STARD13: variants seen among roughly 807,000 people sequenced by gnomAD.
STARD13 encodes StAR related lipid transfer domain containing 13, also known as stAR-related lipid transfer protein 13.
In STARD13, 62 loss-of-function variants were observed where a neutral mutation model predicts 106.4. The observed-to-expected ratio is 0.58, with a 90% CI of 0.48 to 0.72. STARD13 has a LOEUF of 0.72. STARD13 is among the 30% of genes least tolerant of loss of function. The pLI is 0.00. For synonymous variants in STARD13, 565 were observed against 553.0 expected (o/e 1.02, Z -0.31); for missense variants, 1,387 against 1,424.0 (o/e 0.97, Z 0.42).
rs1192121221 is a variant in STARD13 at position 33,130,931 on chromosome 13, T to A, written c.388-642A>T. Among the ~76,000 whole-genome samples the A allele has an allele frequency of 2.0e-5, 3 of 152,242 alleles. No homozygotes were observed. Among genetic ancestry groups the A allele is most frequent in the South Asian group, 2.1e-4 (1 of 4,834 alleles). The stretch of plus-strand genomic sequence containing the variant: ...TGTGATCCAATCCGGCTACTCTGCA[T>A]GAGCGTCTTTTTCTGTGGAATCAAC... On this transcript the variant is annotated intron_variant, in intron 4 of 13. Coordinates refer to ENST00000336934, the MANE Select transcript of STARD13 (RefSeq NM_178006.4). The surrounding 1 kb of genome is among the most constrained non-coding windows in gnomAD (Gnocchi z 4.1).
chr13:33,673,550 C>CTTTTTTTTTTTTTTTT, the STARD13 span, among the ~76,000 whole-genome samples: 71 of 137,162 alleles, frequency 5.2e-4, 3 homozygotes, highest in African/African-American at 1.7e-3. Flanking sequence ...ACTATTAACT[C>CTTTTTTTTTTTTTTTT]TTTTTTTTTT....
At chr13:33,289,812 A>G (rs1221226319), upstream of STARD13, among the ~76,000 whole-genome samples, 1 of 152,100 alleles carries the variant, frequency 6.6e-6, no homozygotes, top group East Asian at 1.9e-4. Flanking sequence ...AAGCCCTCTT[A>G]GGAGTAACCC....
intron 1 of STARD13, among the ~76,000 whole-genome samples, chr13:33,307,701 T>C (rs1892964242): frequency 6.6e-6 from 1 of 152,052 alleles, no homozygotes. Context: ...AAATAGCTAA[T>C]GCATGTGGGG....
At chr13:33,240,634 G>T (rs9670189) in intron 1 of STARD13, among the ~76,000 whole-genome samples, 3 of 150,848 alleles carry the variant, frequency 2.0e-5, no homozygotes, top group Non-Finnish European at 4.4e-5. Context: ...TATCCTTAAG[G>T]ATCCCTAAGT....
At chr13:33,645,192 G>A in the STARD13 span, among the ~76,000 whole-genome samples, 12 of 152,112 alleles carry the variant, frequency 7.9e-5, no homozygotes, top group Admixed American at 2.0e-4. Flanking sequence ...ACAAGCCTCC[G>A]TTACAAGATG....
intron 1 of STARD13, among the ~76,000 whole-genome samples, chr13:33,197,454 T>G (rs1231089737): frequency 1.4e-5 from 2 of 143,798 alleles, no homozygotes; most frequent in African/African-American, 5.3e-5. Context: ...GTGTTTTCAA[T>G]AGACCTCTTA....
chr13:33,112,765 G>A lies in STARD13; in HGVS notation c.2448C>T (p.Pro816=). The A allele has an allele frequency of 3.7e-6, 6 of 1,609,140 alleles. No individual in the cohort carries two copies. Among genetic ancestry groups the A allele is most frequent in the Non-Finnish European group, 5.1e-6 (6 of 1,177,670 alleles). Reference sequence around the variant, plus strand: ...TCAATAAATTAAGATGAAAGAGGGAGGGGGCCAGACACACTGCCAGGTTCA... The same window carrying A: ...TCAATAAATTAAGATGAAAGAGGGAAGGGGCCAGACACACTGCCAGGTTCA... ...TPMNLAVCLA[P]SLFHLNLLKK... Residue 816 remains proline (P), a synonymous_variant, in exon 9 of 14, where the codon CCC becomes CCT. Transcript: ENST00000336934.
At position 33,193,314 on chromosome 13, in the gene STARD13, G is replaced by GA. The variant is rs1886383926; in HGVS notation, c.170-25693dup. 2.0e-5 allele frequency among the ~76,000 whole-genome samples: 3 copies of GA among 152,172 alleles called. No individual in the cohort carries two copies. The South Asian group carries it at 6.2e-4, about 32-fold the overall frequency. ...GTGATTAGAAGGAGAAGGAAAAGTTGAACCATCAAAGATCTTGACGCCTTG... is the reference window on the plus strand; with the variant it reads ...GTGATTAGAAGGAGAAGGAAAAGTTGAAACCATCAAAGATCTTGACGCCTTG... On this transcript the variant is annotated intron_variant, in intron 1 of 13. Transcript: ENST00000336934.
At chr13:33,213,800 A>C (rs994239153) in intron 1 of STARD13, among the ~76,000 whole-genome samples, 1 of 152,216 alleles carries the variant, frequency 6.6e-6, no homozygotes, top group African/African-American at 2.4e-5. Flanking sequence ...TGTATATCAA[A>C]GCTTATACTT....
At chr13:33,408,950 C>T in the STARD13 span, among the ~76,000 whole-genome samples, 7 of 152,082 alleles carry the variant, frequency 4.6e-5, no homozygotes, top group South Asian at 2.1e-4. Context: ...AACATCTTCT[C>T]GAACCAGCCT....
the STARD13 span, among the ~76,000 whole-genome samples, chr13:33,417,587 A>G: frequency 1.3e-5 from 2 of 152,224 alleles, no homozygotes; most frequent in Non-Finnish European, 2.9e-5. Flanking sequence ...ATTATTCCAG[A>G]ATAAAAAAGT....
At chr13:33,199,781 G>A (rs1886884838) in intron 1 of STARD13, among the ~76,000 whole-genome samples, 1 of 152,164 alleles carries the variant, frequency 6.6e-6, no homozygotes, top group African/African-American at 2.4e-5. Context: ...AGTAATTTAT[G>A]GTTAGTTTGA....
intron 3 of STARD13, among the ~76,000 whole-genome samples, chr13:33,153,637 C>T (rs898416483): frequency 2.6e-5 from 4 of 152,204 alleles, no homozygotes; most frequent in African/African-American, 9.6e-5. Flanking sequence ...AACAATAGGA[C>T]TCTCTCCTTC....
chr13:33,110,720 G>C lies in STARD13; in HGVS notation c.2795C>G (p.Ser932Cys), dbSNP rs1874413982. The C allele has an allele frequency of 6.2e-7, 1 of 1,614,208 alleles. No homozygotes were observed. The highest frequency in any genetic ancestry group is 2.2e-5 in the East Asian group (1 of 44,884). Residue 932 changes from serine to cysteine, a missense_variant, in exon 11 of 14, where the codon TCC becomes TGC. Coordinates refer to ENST00000336934, the MANE Select transcript of STARD13 (RefSeq NM_178006.4). ...KEKFKGWVTCSSTDNTDLAFK... is the reference protein window; with the variant it reads ...KEKFKGWVTCCSTDNTDLAFK... ...AGCAAGATCTGTATTGTCCGTGCTG[G>C]AGCACGTGACCCATCCTTTGAACTT...
the STARD13 span, among the ~76,000 whole-genome samples, chr13:33,521,138 T>G: frequency 6.6e-6 from 1 of 152,030 alleles, no homozygotes; most frequent in African/African-American, 2.4e-5. Context: ...GAACTGAGAG[T>G]CACTTGTTTG....
chr13:33,188,974 CT>C (rs1886008123), intron 1 of STARD13, among the ~76,000 whole-genome samples: 1 of 152,112 alleles, frequency 6.6e-6, no homozygotes, highest in Non-Finnish European at 1.5e-5. Context: ...TTGGTGTTTC[CT>C]TTTTAAACTA....
intron 1 of STARD13, among the ~76,000 whole-genome samples, chr13:33,305,366 G>C (rs777207415): frequency 6.6e-6 from 1 of 152,212 alleles, no homozygotes; most frequent in Non-Finnish European, 1.5e-5. Flanking sequence ...GATAAATCTT[G>C]GATTAGGTAG....
intron 3 of STARD13, among the ~76,000 whole-genome samples, chr13:33,144,876 T>C (rs2138247247): frequency 1.3e-5 from 2 of 152,336 alleles, no homozygotes; most frequent in South Asian, 4.1e-4. Context: ...CATTCTGCTT[T>C]TCTGTGGAAA....
In STARD13 at chr13:33,267,320, A is replaced by G. The variant is rs898583140; in HGVS notation, c.169+18150T>C. On this transcript the variant is annotated intron_variant, in intron 1 of 13. Coordinates refer to ENST00000336934, the MANE Select transcript of STARD13 (RefSeq NM_178006.4). Reference sequence around the variant, plus strand: ...ATCCTCCCTCAATCTCCCAGTAAAGACAGGCATGGACACTTTCTGACCAAG... The same window carrying G: ...ATCCTCCCTCAATCTCCCAGTAAAGGCAGGCATGGACACTTTCTGACCAAG... Among the ~76,000 whole-genome samples, 9 of 152,322 alleles carry G rather than the reference A, an allele frequency of 5.9e-5. No individual in the cohort carries two copies. In the South Asian group the frequency reaches 8.3e-4, roughly 14 times the overall value.
Sources: allele counts gnomAD v4.1 joint callset (sites outside exome capture counted in the v4.1 genomes callset), GRCh38; gene constraint gnomAD v4.1.1; non-coding constraint Gnocchi (gnomAD v3.1); transcripts MANE v1.5; gene names NCBI Gene and HGNC (gene_info 2026-07-23, HGNC 2026-07-21).